KLHL7: variants seen among roughly 807,000 people sequenced by gnomAD.
KLHL7 encodes the protein kelch-like protein 7.
Under a neutral mutation model 67.4 loss-of-function variants are expected in KLHL7, and 44 were observed. The ratio of observed to expected loss-of-function variants is 0.65; its 90% confidence interval spans 0.51 to 0.84. The LOEUF is 0.84. KLHL7 is among the 40% of genes least tolerant of loss of function. KLHL7 has a pLI of 0.00. For missense variants in KLHL7, 362 were observed against 718.1 expected, an observed-to-expected ratio of 0.50 and a Z score of 5.67; for synonymous variants, 252 against 243.3, an observed-to-expected ratio of 1.04 and a Z score of -0.33.
chr7:23,142,360 A>G (rs1426749369), intron 5 of KLHL7, among the ~76,000 whole-genome samples: 1 of 152,178 alleles, frequency 6.6e-6, no homozygotes, highest in Non-Finnish European at 1.5e-5. Flanking sequence ...TCTAAAAACA[A>G]AAATTTGCAC....
intron 4 of KLHL7, among the ~76,000 whole-genome samples, chr7:23,128,643 T>C (rs2128461407): frequency 6.6e-6 from 1 of 152,118 alleles, no homozygotes; most frequent in East Asian, 1.9e-4. Flanking sequence ...ATGTAGTAAA[T>C]GTCACGGTAA....
chr7:23,147,094 C>CTTTTTTTT lies in KLHL7; in HGVS notation c.793+3080_793+3087dup, dbSNP rs397889904. On this transcript the variant is annotated intron_variant, in intron 6 of 10. Coordinates refer to ENST00000339077, the MANE Select transcript of KLHL7 (RefSeq NM_001031710.3). ...TCTATGTATTACTTATTAACCTGGA[C>CTTTTTTTT]TTTTTTTTTTTTTTTTTTAGACAGT... Among the ~76,000 whole-genome samples the CTTTTTTTT allele has an allele frequency of 1.7e-5, 2 of 118,580 alleles. 1 individual carries two copies. The highest frequency in any genetic ancestry group is 3.7e-5 in the Non-Finnish European group (2 of 54,558). The allele number at this position is 118,580 out of a possible 152,430, so 77.8% of individuals were successfully genotyped here.
chr7:23,114,464 T>G (rs545441477), intron 1 of KLHL7, among the ~76,000 whole-genome samples: 34 of 152,300 alleles, frequency 2.2e-4, no homozygotes, highest in Admixed American at 5.9e-4. Flanking sequence ...CAACCTGAGT[T>G]GAGAATCTCA....
intron 4 of KLHL7, among the ~76,000 whole-genome samples, chr7:23,137,467 G>A (rs1784018653): frequency 6.7e-6 from 1 of 150,074 alleles, no homozygotes; most frequent in Admixed American, 6.6e-5. Context: ...AAAGCAAAAG[G>A]CAGTGACCAA....
chr7:23,118,913 G>T lies in KLHL7; in HGVS notation c.121-4864G>T, dbSNP rs6966673. Among the ~76,000 whole-genome samples, 1,144 of 150,824 alleles carry T rather than the reference G, an allele frequency of 7.6e-3. 9 individuals carry two copies. The highest frequency in any genetic ancestry group is 0.021 in the African/African-American group (861 of 41,124). On this transcript the variant is annotated intron_variant, in intron 1 of 10. Coordinates refer to ENST00000339077, the MANE Select transcript of KLHL7 (RefSeq NM_001031710.3). ...ACAGTGAGACCTCGTCTCTACAAAA[G>T]AAAAAAAAATTAGCCAGGCATGGTG...
chr7:23,152,228 T>C lies in KLHL7; in HGVS notation c.936+19T>C. ...CCCAAAGGTAACTAATTTTTATTCT[T>C]GGTTTTTGTTGTTGTCTTTGAAATC... On this transcript the variant is annotated intron_variant, in intron 7 of 10. Transcript: ENST00000339077. 1 of 1,612,360 alleles carries C rather than the reference T, an allele frequency of 6.2e-7. No homozygotes were observed. Among genetic ancestry groups the C allele is most frequent in the Non-Finnish European group, 8.5e-7 (1 of 1,178,558 alleles).
intron 1 of KLHL7, among the ~76,000 whole-genome samples, chr7:23,123,510 T>C (rs1470128100): frequency 6.6e-6 from 1 of 151,682 alleles, no homozygotes; most frequent in Non-Finnish European, 1.5e-5. Flanking sequence ...AAGACTTCTC[T>C]GAAGGGTTAG....
intron 2 of KLHL7, among the ~76,000 whole-genome samples, chr7:23,124,435 T>G (rs900970327): frequency 5.9e-5 from 9 of 152,178 alleles, no homozygotes; most frequent in African/African-American, 1.9e-4. Context: ...AAATCTAGTT[T>G]TATGTTTCTG....
chr7:23,125,768 A>T, intron 4 of KLHL7: 3 of 1,498,316 alleles, frequency 2.0e-6, no homozygotes, highest in Non-Finnish European at 2.7e-6. Context: ...TAGGAGAAGC[A>T]GAAAAAGTTG....
chr7:23,105,829 G>A lies in KLHL7; in HGVS notation c.-198G>A. 1 of 749,564 alleles carries A rather than the reference G, an allele frequency of 1.3e-6. No homozygotes were observed. Among genetic ancestry groups the A allele is most frequent in the South Asian group, 1.6e-5 (1 of 63,298 alleles). 46.4% of individuals were successfully genotyped at this position (749,564 alleles called of 1,614,324 possible). A position where few individuals can be genotyped will look rare whatever the true frequency, so the allele number is the denominator to read the frequency against. On this transcript the variant is annotated 5_prime_UTR_variant, in exon 1 of 11. Coordinates refer to ENST00000339077, the MANE Select transcript of KLHL7 (RefSeq NM_001031710.3). ...AGCCCAGTTGGTAGCGTCGCTCCCT[G>A]AGCGTTTCTAAGGGGGCCGCCCGGC...
At chr7:23,150,453 C>A (rs1441525053) in intron 6 of KLHL7, among the ~76,000 whole-genome samples, 1 of 152,130 alleles carries the variant, frequency 6.6e-6, no homozygotes, top group African/African-American at 2.4e-5. Flanking sequence ...GTAGTGCACT[C>A]TGCGTACTGT....
At chr7:23,108,443 T>G (rs1352803363) in intron 1 of KLHL7, among the ~76,000 whole-genome samples, 1 of 152,150 alleles carries the variant, frequency 6.6e-6, no homozygotes, top group Admixed American at 6.5e-5. Flanking sequence ...ATGGGATACA[T>G]ATAAGAGGGC....
chr7:23,124,529 G>T (rs1032411772), intron 2 of KLHL7, among the ~76,000 whole-genome samples, 159 bp from the exon 3 acceptor site: 3 of 152,194 alleles, frequency 2.0e-5, no homozygotes, highest in Non-Finnish European at 4.4e-5. Context: ...GAATTAATTT[G>T]CATTGACTAT....
intron 4 of KLHL7, 147 bp downstream of exon 4, chr7:23,125,319 A>C: frequency 1.4e-6 from 1 of 734,304 alleles, no homozygotes; most frequent in Non-Finnish European, 2.2e-6. Flanking sequence ...AAAATTTAAG[A>C]GGGGCTTAGA....
chr7:23,171,184 C>T (rs562414633), intron 9 of KLHL7: 4 of 357,186 alleles, frequency 1.1e-5, no homozygotes, highest in South Asian at 6.4e-5. Flanking sequence ...GGATTACAGG[C>T]GAAAAAACGC....
At chr7:23,156,378 T>C (rs572926892) in intron 7 of KLHL7, among the ~76,000 whole-genome samples, 2 of 152,366 alleles carry the variant, frequency 1.3e-5, no homozygotes, top group Non-Finnish European at 2.9e-5. Flanking sequence ...TGTATGTTTT[T>C]AAATCATCAA....
chr7:23,121,717 C>G (rs1345084467), intron 1 of KLHL7, among the ~76,000 whole-genome samples: 6 of 144,156 alleles, frequency 4.2e-5, no homozygotes, highest in African/African-American at 1.3e-4. Context: ...GAGTCTCGCT[C>G]TGTTGCCCAG....
intron 4 of KLHL7, among the ~76,000 whole-genome samples, chr7:23,134,274 C>T (rs1783899438): frequency 6.6e-6 from 1 of 152,114 alleles, no homozygotes; most frequent in Non-Finnish European, 1.5e-5. Flanking sequence ...TACGTTGAAC[C>T]ATCATTTGCA....
At chr7:23,156,087 C>A in intron 7 of KLHL7, 1 of 418,680 alleles carries the variant, frequency 2.4e-6, no homozygotes, top group Non-Finnish European at 4.8e-6. Flanking sequence ...ATAAATGAGT[C>A]ATTCCTAATT....
Sources: gnomAD v4.1 joint callset for allele counts (sites outside exome capture counted in the v4.1 genomes callset) on GRCh38, gnomAD v4.1.1 for gene constraint, MANE v1.5 for transcripts, NCBI Gene and HGNC (gene_info 2026-07-23, HGNC 2026-07-21) for gene names.